Variants in DNMT3A observed in about 807,000 individuals in gnomAD.
DNMT3A encodes the protein DNA (cytosine-5)-methyltransferase 3A.
DNMT3A carries 267 observed loss-of-function variants against 117.6 expected under a neutral mutation model. The ratio of observed to expected loss-of-function variants is 2.27; its 90% CI spans 2.05 to 2.51. DNMT3A has a LOEUF of 2.51. DNMT3A is among the 30% of genes most tolerant of loss of function. The pLI is 0.00. For synonymous variants in DNMT3A, 432 were observed against 474.8 expected (o/e 0.91, Z 1.17); for missense variants, 1,029 against 1,260.2 (o/e 0.82, Z 2.78).
In DNMT3A at chr2:25,237,719, G is replaced by A. The variant is rs1673525292; in HGVS notation, c.2409-714C>T. 6.6e-6 allele frequency among the ~76,000 whole-genome samples: 1 copy of A among 151,786 alleles called. No homozygotes were observed. Among genetic ancestry groups the A allele is most frequent in the African/African-American group, 2.4e-5 (1 of 41,300 alleles). Reference sequence around the variant, plus strand: ...GGCGGAGGCTGCAGTGAGCCAGGATGGCACCACTGCACTCCAGCCTGGGCG... The same window carrying A: ...GGCGGAGGCTGCAGTGAGCCAGGATAGCACCACTGCACTCCAGCCTGGGCG... On this transcript the variant is annotated intron_variant, in intron 20 of 22. Transcript: ENST00000321117. The surrounding 1 kb of genome is among the most constrained non-coding windows in gnomAD (Gnocchi z 5.4).
In DNMT3A at chr2:25,240,729, A is replaced by T. The variant is rs780206885; in HGVS notation, c.2084T>A (p.Ile695Asn). ...CAGATCGAATGGGCCCCACTCCTGG[A>T]TCTGGGAGGATAAAGGCAACGTGAT... Reference protein sequence around the residue: ...GDVRSVTQKHIQEWGPFDLVI... With the variant: ...GDVRSVTQKHNQEWGPFDLVI... The change falls in exon 18 of 23, where the codon ATC becomes AAC. Residue 695 changes from isoleucine to asparagine, a missense_variant and splice_region_variant. Coordinates refer to ENST00000321117, the MANE Select transcript of DNMT3A (RefSeq NM_022552.5). 1 of 1,614,166 alleles carries T rather than the reference A, an allele frequency of 6.2e-7. No individual in the cohort carries two copies. Among genetic ancestry groups the T allele is most frequent in the Non-Finnish European group, 8.5e-7 (1 of 1,180,004 alleles).
Position 25,234,374 on chromosome 2 carries a change from G to C in DNMT3A, c.2644C>G (p.Arg882Gly), listed in dbSNP as rs377577594. 1.2e-6 allele frequency: 2 copies of C among 1,613,706 alleles called. No individual in the cohort carries two copies. The highest frequency in any genetic ancestry group is 1.7e-6 in the Non-Finnish European group (2 of 1,179,716). ...CCCAGCAGTCTCTGCCTCGCCAAGCGGCTCATGTTGGAGACGTCAGTATAG... is the reference window on the plus strand; with the variant it reads ...CCCAGCAGTCTCTGCCTCGCCAAGCCGCTCATGTTGGAGACGTCAGTATAG... ...VHYTDVSNMS[R>G]LARQRLLGRS... The change falls in exon 23 of 23, where the codon CGC (arginine) becomes GGC (glycine). Residue 882 changes from arginine (R) to glycine (G), a missense_variant. Arg to Gly is a moderately radical substitution (Grantham distance 125). Transcript: ENST00000321117. The surrounding 1 kb of genome is among the most constrained non-coding windows in gnomAD (Gnocchi z 4.5).
intron 3 of DNMT3A, among the ~76,000 whole-genome samples, chr2:25,290,912 AC>A (rs2032711726): frequency 6.6e-6 from 1 of 151,906 alleles, no homozygotes; most frequent in Non-Finnish European, 1.5e-5. Flanking sequence ...GGGCGACCTC[AC>A]CTTGGTCACC....
intron 2 of DNMT3A, 138 bp from the exon 3 acceptor site, chr2:25,300,381 G>T: frequency 2.1e-6 from 2 of 944,254 alleles, no homozygotes; most frequent in Non-Finnish European, 1.5e-6. Flanking sequence ...CCAGGGCTGT[G>T]TAATATGCCC....
chr2:25,317,055 C>T (rs1341396621), intron 1 of DNMT3A, among the ~76,000 whole-genome samples: 2 of 152,110 alleles, frequency 1.3e-5, no homozygotes, highest in Non-Finnish European at 2.9e-5. Flanking sequence ...GCAATAGAAA[C>T]ATTTTTTGTT....
chr2:25,303,076 G>A (rs746353976), intron 2 of DNMT3A, among the ~76,000 whole-genome samples: 79 of 152,264 alleles, frequency 5.2e-4, no homozygotes, highest in Non-Finnish European at 7.2e-4. Flanking sequence ...AATCCCCAGC[G>A]CCTAGGGCAG....
At position 25,275,056 on chromosome 2, in the gene DNMT3A, C is replaced by A; in HGVS notation, c.524G>T (p.Gly175Val). 1.3e-6 allele frequency: 2 copies of A among 1,599,508 alleles called. No homozygotes were observed. The highest frequency in any genetic ancestry group is 1.7e-6 in the Non-Finnish European group (2 of 1,173,570). The change falls in exon 6 of 23, where the codon GGC (glycine) becomes GTC (valine). Residue 175 changes from glycine to valine, a missense_variant. Transcript: ENST00000321117. ...GSRGRLRGGL[G>V]WESSLRQRPM... Reference sequence around the variant, plus strand: ...CCGCTGACGGAGGCTGGACTCCCAGCCCAAGCCACCCCGCAGCCGGCCCCG... The same window carrying A: ...CCGCTGACGGAGGCTGGACTCCCAGACCAAGCCACCCCGCAGCCGGCCCCG...
chr2:25,252,690 C>A lies in DNMT3A; in HGVS notation c.640-4438G>T, dbSNP rs1220833812. Among the ~76,000 whole-genome samples the A allele has an allele frequency of 6.6e-6, 1 of 151,220 alleles. No individual in the cohort carries two copies. The highest frequency in any genetic ancestry group is 2.4e-5 in the African/African-American group (1 of 41,046). On this transcript the variant is annotated intron_variant, in intron 6 of 22. Transcript: ENST00000321117. The surrounding 1 kb of genome is among the most constrained non-coding windows in gnomAD (Gnocchi z 5.5). The stretch of plus-strand genomic sequence containing the variant: ...GCCCGGAGGGAGCCGGGGGTCCGGG[C>A]GAAAGCAAGCCGGAGCTTTCGGACG...
rs1673397779 is a variant in DNMT3A at position 25,236,683 on chromosome 2, C to A, written c.2478+253G>T. Among the ~76,000 whole-genome samples the A allele has an allele frequency of 6.6e-6, 1 of 152,206 alleles. No individual in the cohort carries two copies. Among genetic ancestry groups the A allele is most frequent in the South Asian group, 2.1e-4 (1 of 4,822 alleles). On this transcript the variant is annotated intron_variant, in intron 21 of 22. Coordinates refer to ENST00000321117, the MANE Select transcript of DNMT3A (RefSeq NM_022552.5). The surrounding 1 kb of genome is among the most constrained non-coding windows in gnomAD (Gnocchi z 4.5). ...AAATGAAAAAAAAGCCACAGCACAA[C>A]CAGGTCTTGGTAAAGACTCCTCAGT...
intron 1 of DNMT3A, among the ~76,000 whole-genome samples, chr2:25,338,389 T>G (rs1195057094): frequency 6.6e-6 from 1 of 152,216 alleles, no homozygotes; most frequent in Admixed American, 6.5e-5. Flanking sequence ...TCTTTCTACC[T>G]GGATCCCAAA....
chr2:25,278,265 G>T (rs995101658), intron 4 of DNMT3A, among the ~76,000 whole-genome samples: 1 of 152,196 alleles, frequency 6.6e-6, no homozygotes, highest in African/African-American at 2.4e-5. Context: ...GGAGGCCAGG[G>T]TGCTTCTAAC....
At chr2:25,276,892 T>C (rs1036381508) in intron 4 of DNMT3A, among the ~76,000 whole-genome samples, 3 of 152,364 alleles carry the variant, frequency 2.0e-5, no homozygotes, top group African/African-American at 7.2e-5. Context: ...GCCACAGTGT[T>C]CACGCCGCGG....
Position 25,247,302 on chromosome 2 carries a change from A to C in DNMT3A, c.1015-144T>G. 1.2e-6 allele frequency: 1 copy of C among 863,290 alleles called. No homozygotes were observed. Among genetic ancestry groups the C allele is most frequent in the Non-Finnish European group, 1.8e-6 (1 of 554,088 alleles). 53.5% of individuals were successfully genotyped at this position (863,290 alleles called of 1,614,324 possible). On this transcript the variant is annotated intron_variant, in intron 8 of 22. Transcript: ENST00000321117. This position sits in a 1 kb window ranked among gnomAD's most constrained non-coding sequence, Gnocchi z 5.6. ...AGATACAGTGATAAATAATTACCCG[A>C]TGCAAAGAGGAGTCCAGACCAAGAG...
In DNMT3A at chr2:25,234,390, G is replaced by T. The variant is rs368516543; in HGVS notation, c.2628C>A (p.Asp876Glu). The T allele has an allele frequency of 6.2e-7, 1 of 1,614,012 alleles. No individual in the cohort carries two copies. Among genetic ancestry groups the T allele is most frequent in the Non-Finnish European group, 8.5e-7 (1 of 1,179,968 alleles). ...RVFGFPVHYT[D>E]VSNMSRLARQ... Reference sequence around the variant, plus strand: ...TCGCCAAGCGGCTCATGTTGGAGACGTCAGTATAGTGGACTGGGAAACCAA... The same window carrying T: ...TCGCCAAGCGGCTCATGTTGGAGACTTCAGTATAGTGGACTGGGAAACCAA... Residue 876 changes from aspartate (D) to glutamate (E), a missense_variant, in exon 23 of 23, where the codon GAC becomes GAA. By Grantham distance (45) the Asp-to-Glu change is conservative. Coordinates refer to ENST00000321117, the MANE Select transcript of DNMT3A (RefSeq NM_022552.5). The surrounding 1 kb of genome is among the most constrained non-coding windows in gnomAD (Gnocchi z 4.5).
intron 2 of DNMT3A, among the ~76,000 whole-genome samples, chr2:25,309,601 A>T (rs139391326): frequency 6.6e-6 from 1 of 152,330 alleles, no homozygotes; most frequent in East Asian, 1.9e-4. Flanking sequence ...AGACAGCCTA[A>T]GGAGCGCAGA....
At chr2:25,283,731 T>A (rs1014099514) in intron 3 of DNMT3A, among the ~76,000 whole-genome samples, 1 of 152,150 alleles carries the variant, frequency 6.6e-6, no homozygotes, top group Admixed American at 6.5e-5. Flanking sequence ...CATTTCTTTA[T>A]CCCCTAGAGT....
Position 25,252,642 on chromosome 2 carries a change from A to G in DNMT3A, c.640-4390T>C, listed in dbSNP as rs1464896455. On this transcript the variant is annotated intron_variant, in intron 6 of 22. Coordinates refer to ENST00000321117, the MANE Select transcript of DNMT3A (RefSeq NM_022552.5). This position sits in a 1 kb window ranked among gnomAD's most constrained non-coding sequence, Gnocchi z 5.5. ...GGGCCGGGGGGCCGGGAGGGGAGGG[A>G]AGGGGCTGCTCCCGAGCCGCCTGCC... Among the ~76,000 whole-genome samples, 1 of 151,804 alleles carries G rather than the reference A, an allele frequency of 6.6e-6. No individual in the cohort carries two copies. The highest frequency in any genetic ancestry group is 2.0e-4 in the East Asian group (1 of 5,126).
chr2:25,320,766 A>G (rs72810089), intron 1 of DNMT3A, among the ~76,000 whole-genome samples: 1 of 152,204 alleles, frequency 6.6e-6, no homozygotes, highest in Admixed American at 6.5e-5. Context: ...GTGTGTGTAC[A>G]TATATATGTA....
Position 25,282,098 on chromosome 2 carries a change from A to G in DNMT3A, c.448+343T>C, listed in dbSNP as rs1229097991. The stretch of plus-strand genomic sequence containing the variant: ...CACAGAAGGCGATGGAGGGACCGCC[A>G]TTATCCCAGTCTAGCAATCGTTGGC... On this transcript the variant is annotated intron_variant, in intron 4 of 22. Transcript: ENST00000321117. This position sits in a 1 kb window ranked among gnomAD's most constrained non-coding sequence, Gnocchi z 5.2. The G allele has an allele frequency of 4.4e-6, 5 of 1,138,816 alleles. No individual in the cohort carries two copies. Among genetic ancestry groups the G allele is most frequent in the Admixed American group, 8.1e-5 (2 of 24,712 alleles). The allele number at this position is 1,138,816 out of a possible 1,614,324, so 70.5% of individuals were successfully genotyped here.
Sources: gnomAD v4.1 joint callset for allele counts (sites outside exome capture counted in the v4.1 genomes callset) on GRCh38, gnomAD v4.1.1 for gene constraint, Gnocchi (gnomAD v3.1) non-coding constraint, MANE v1.5 for transcripts, NCBI Gene and HGNC (gene_info 2026-07-23, HGNC 2026-07-21) for gene names.